Variants in CROCC2 observed in about 807,000 individuals in gnomAD.
The protein encoded by CROCC2 is ciliary rootlet coiled-coil protein 2.
Under a neutral mutation model 177.6 loss-of-function variants are expected in CROCC2, and 163 were observed. The ratio of observed to expected loss-of-function variants is 0.92; its 90% CI spans 0.81 to 1.05. CROCC2 has a LOEUF of 1.05. CROCC2 is among the 50% of genes least tolerant of loss of function. The pLI, the probability that CROCC2 is intolerant of heterozygous loss-of-function variation, is 0.00. For missense variants in CROCC2, 1,929 were observed against 1,797.8 expected (o/e 1.07, Z -1.32); for synonymous variants, 904 against 787.3 (o/e 1.15, Z -2.48).
At chr2:240,976,226 C>A (rs1252898446) in intron 27 of CROCC2, among the ~76,000 whole-genome samples, 2 of 126,798 alleles carry the variant, frequency 1.6e-5, no homozygotes, top group Non-Finnish European at 3.4e-5. Context: ...GGAGCCCAGG[C>A]TCATCCCTGC....
At chr2:240,967,204 C>G (rs1272277858) in intron 25 of CROCC2, 141 bp from the exon 26 acceptor site, 8 of 397,612 alleles carry the variant, frequency 2.0e-5, no homozygotes. Context: ...GAGCCCACGG[C>G]CCACACCACC....
intron 4 of CROCC2, 109 bp from the exon 5 acceptor site, chr2:240,925,615 G>A (rs1350277619): frequency 6.5e-6 from 4 of 617,116 alleles, no homozygotes; most frequent in Non-Finnish European, 1.2e-5. Flanking sequence ...AGGTCAGTTA[G>A]GCCCAGAGGG....
intron 27 of CROCC2, among the ~76,000 whole-genome samples, chr2:240,970,544 T>G (rs2059713204): frequency 6.6e-6 from 1 of 152,238 alleles, no homozygotes. Flanking sequence ...CAGGGCATCT[T>G]ATGGCTGGGC....
chr2:240,933,049 G>C, intron 9 of CROCC2, 82 bp from the exon 10 acceptor site: 2 of 1,526,274 alleles, frequency 1.3e-6, no homozygotes, highest in East Asian at 4.9e-5. Flanking sequence ...TGTCCTTTCT[G>C]GGGAGTCGCA....
chr2:240,943,164 C>T (rs770248980), intron 14 of CROCC2, among the ~76,000 whole-genome samples: 11 of 151,912 alleles, frequency 7.2e-5, no homozygotes, highest in Non-Finnish European at 1.3e-4. Context: ...CACATGACCA[C>T]GCCCAGCTAA....
chr2:240,985,644 C>CACTGGGGG (rs2059834568), intron 28 of CROCC2, among the ~76,000 whole-genome samples: 1 of 122,158 alleles, frequency 8.2e-6, no homozygotes. Flanking sequence ...CAGGCACTCA[C>CACTGGGGG]TCCACACACA....
intron 10 of CROCC2, 150 bp from the exon 11 acceptor site, chr2:240,933,520 C>A: frequency 1.8e-6 from 2 of 1,114,906 alleles, no homozygotes; most frequent in Non-Finnish European, 2.5e-6. Flanking sequence ...TGGGACACAC[C>A]CGCCAGTGAG....
In CROCC2 at chr2:240,991,261, G is replaced by A. The variant is rs566959233; in HGVS notation, c.4929G>A (p.Gln1643=). Residue 1643 remains glutamine, a synonymous_variant, in exon 31 of 32, where the codon CAG becomes CAA. Transcript: ENST00000690015. ...VQWRQQAHLG[Q]AFQTGHAQRD ...GGCGGCAACAGGCCCACCTCGGCCA[G>A]GCCTTCCAGACAGGACAGTGAGCCC... 26 of 1,548,602 alleles carry A rather than the reference G, an allele frequency of 1.7e-5. No homozygotes were observed. Among genetic ancestry groups the A allele is most frequent in the Non-Finnish European group, 2.3e-5 (26 of 1,146,092 alleles).
rs1408470520 is a variant in CROCC2, at chr2:240,933,276, G to A, written c.1397G>A (p.Arg466Gln). 13 of 1,546,664 alleles carry A rather than the reference G, an allele frequency of 8.4e-6. No individual in the cohort carries two copies. The highest frequency in any genetic ancestry group is 2.4e-5 in the East Asian group (1 of 40,892). The change falls in exon 10 of 32, where the codon CGG (arginine) becomes CAG (glutamine). Residue 466 changes from arginine (R) to glutamine (Q), a missense_variant. Arg to Gln is a conservative substitution (Grantham distance 43, BLOSUM62 1). Transcript: ENST00000690015. The part of the protein sequence containing the change: ...REQAREREAL[R>Q]GQLEAQRLEV... ...CAGGCACGGGAACGAGAGGCTCTTC[G>A]GGGCCAGCTGGAGGCCCAGAGGCTC... is the stretch of plus-strand genomic sequence containing the variant.
intron 7 of CROCC2, among the ~76,000 whole-genome samples, chr2:240,931,693 G>A (rs1401143831): frequency 1.3e-5 from 2 of 152,192 alleles, no homozygotes; most frequent in Admixed American, 1.3e-4. Context: ...CGTGGGGCCA[G>A]TGCCTTACAA....
In CROCC2 at chr2:240,931,063, C is replaced by A; in HGVS notation, c.882C>A (p.Asp294Glu). The A allele has an allele frequency of 2.8e-6, 2 of 716,660 alleles. No individual in the cohort carries two copies. The highest frequency in any genetic ancestry group is 2.7e-5 in the East Asian group (1 of 37,286). 44.4% of individuals were successfully genotyped at this position (716,660 alleles called of 1,614,324 possible). The stretch of plus-strand genomic sequence containing the variant: ...GCACCCTGGGGCAGCAGCTTCGGGA[C>A]AAGGCTGGGGAGATGCTGCAGCTGC... ...TASTLGQQLRDKAGEMLQLQG... is the reference protein window; with the variant it reads ...TASTLGQQLREKAGEMLQLQG... The change falls in exon 7 of 32, where the codon GAC becomes GAA. Residue 294 changes from aspartate to glutamate, a missense_variant. By Grantham distance (45) the Asp-to-Glu change is conservative. Around this residue, in one of 3 missense-constraint regions of CROCC2, gnomAD observed 1,397 missense variants for 1,239.9 expected, o/e 1.13. Coordinates refer to ENST00000690015, the MANE Select transcript of CROCC2 (RefSeq NM_001351305.2).
chr2:240,928,929 G>A (rs1559593515), intron 5 of CROCC2, among the ~76,000 whole-genome samples: 1 of 151,208 alleles, frequency 6.6e-6, no homozygotes, highest in Non-Finnish European at 1.5e-5. Context: ...ATGACCAGGT[G>A]TAATGGGCTC....
chr2:240,913,545 C>A (rs1224198369), intron 1 of CROCC2, among the ~76,000 whole-genome samples: 1 of 152,224 alleles, frequency 6.6e-6, no homozygotes, highest in Non-Finnish European at 1.5e-5. Context: ...GTGTTGGTGG[C>A]ATAGAAGGGA....
chr2:240,954,622 G>T (rs1428326171), intron 18 of CROCC2: 1 of 152,398 alleles, frequency 6.6e-6, no homozygotes, highest in Admixed American at 6.5e-5. Context: ...CTGCATTTTG[G>T]TGTCCAGAGT....
chr2:240,960,407 C>T lies in CROCC2; in HGVS notation c.3087+963C>T, dbSNP rs573561668. ...CATGATGGTGACGTGGGGTGGGGGA[C>T]AGTCTTGGGCAGGGGGCAAGAGTGG... On this transcript the variant is annotated intron_variant, in intron 20 of 31. Transcript: ENST00000690015. The surrounding 1 kb of genome is among the most constrained non-coding windows in gnomAD (Gnocchi z 5.0). 1.3e-5 allele frequency among the ~76,000 whole-genome samples: 2 copies of T among 151,940 alleles called. No homozygotes were observed. The highest frequency in any genetic ancestry group is 3.9e-4 in the East Asian group (2 of 5,122).
At position 240,930,154 on chromosome 2, in the gene CROCC2, T is replaced by C; in HGVS notation, c.646-12T>C. The C allele has an allele frequency of 1.8e-6, 1 of 542,276 alleles. No homozygotes were observed. Among genetic ancestry groups the C allele is most frequent in the Non-Finnish European group, 3.4e-6 (1 of 296,680 alleles). The allele number at this position is 542,276 out of a possible 1,614,324, so 33.6% of individuals were successfully genotyped here. On this transcript the variant is annotated splice_polypyrimidine_tract_variant and intron_variant, in intron 5 of 31. Coordinates refer to ENST00000690015, the MANE Select transcript of CROCC2 (RefSeq NM_001351305.2). ...CCCAGCCTGAAGTAGACAGGAGGCC[T>C]CTTGCTTTCAGACCCGGTCAGGGGG...
At chr2:240,922,918 C>T (rs570251809) in intron 4 of CROCC2, among the ~76,000 whole-genome samples, 26 of 152,196 alleles carry the variant, frequency 1.7e-4, no homozygotes, top group Non-Finnish European at 3.1e-4. Flanking sequence ...GACCCCAGGC[C>T]GAGTGGAAAC....
chr2:240,944,374 C>A (rs1462023392), intron 14 of CROCC2, among the ~76,000 whole-genome samples: 1 of 152,176 alleles, frequency 6.6e-6, no homozygotes, highest in Non-Finnish European at 1.5e-5. Flanking sequence ...TTGGAACATT[C>A]TTGGCCTGTA....
chr2:240,916,285 C>T (rs2059319498), intron 1 of CROCC2, among the ~76,000 whole-genome samples: 1 of 151,864 alleles, frequency 6.6e-6, no homozygotes, highest in Non-Finnish European at 1.5e-5. Flanking sequence ...TCCCTCAGCC[C>T]TTCTCTCCTC....
Sources: allele counts gnomAD v4.1 joint callset (sites outside exome capture counted in the v4.1 genomes callset), GRCh38; gene constraint gnomAD v4.1.1; regional missense constraint gnomAD v4.1.1; non-coding constraint Gnocchi (gnomAD v3.1); transcripts MANE v1.5; gene names NCBI Gene and HGNC (gene_info 2026-07-23, HGNC 2026-07-21).